Variants in GLYCTK observed in about 807,000 individuals in gnomAD.
GLYCTK encodes glycerate kinase, also known as HBeAg binding protein 4.
GLYCTK carries 22 observed loss-of-function variants against 24.8 expected under a neutral mutation model. That is an observed-to-expected ratio of 0.89 (90% CI 0.63 to 1.27). The LOEUF is 1.27. Among genes scored for constraint, GLYCTK ranks in the 50% most tolerant of loss-of-function variants. GLYCTK has a pLI of 0.00. For synonymous variants in GLYCTK, 320 were observed against 297.2 expected (o/e 1.08, Z -0.79); for missense variants, 684 against 686.7 (o/e 1.00, Z 0.04).
chr3:52,290,922 C>A (rs758497783), intron 2 of GLYCTK, 38 bp from the exon 3 acceptor site: 2 of 1,613,132 alleles, frequency 1.2e-6, no homozygotes, highest in Non-Finnish European at 8.5e-7. Context: ...GGAGAGGAGT[C>A]CACCCCATCT....
At chr3:52,288,001 C>G (rs1432418488) in intron 1 of GLYCTK, 125 bp downstream of exon 1, 1 of 340,678 alleles carries the variant, frequency 2.9e-6, no homozygotes, top group Admixed American at 3.2e-5. Context: ...CAGCCATTTC[C>G]CTCGCTAAGG....
rs1237912465 is a variant in GLYCTK at position 52,295,062 on chromosome 3, C to T, written c.*1936C>T. 4.4e-6 allele frequency: 2 copies of T among 454,016 alleles called. No individual in the cohort carries two copies. Among genetic ancestry groups the T allele is most frequent in the East Asian group, 7.0e-5 (1 of 14,384 alleles). 28.1% of individuals were successfully genotyped at this position (454,016 alleles called of 1,614,324 possible). Reference sequence around the variant, plus strand: ...ACTTCTGTTTGTAGGGGCTGGGAGGCCAGGGCCCGGATTGGACCCCATAGG... The same window carrying T: ...ACTTCTGTTTGTAGGGGCTGGGAGGTCAGGGCCCGGATTGGACCCCATAGG... On this transcript the variant is annotated 3_prime_UTR_variant, in exon 5 of 5. Coordinates refer to ENST00000436784, the MANE Select transcript of GLYCTK (RefSeq NM_145262.4).
In GLYCTK at chr3:52,291,274, G is replaced by C. The variant is rs2153220939; in HGVS notation, c.529+163G>C. The C allele has an allele frequency of 2.4e-6, 2 of 816,348 alleles. 1 individual carries two copies. The highest frequency in any genetic ancestry group is 7.0e-4 in the Middle Eastern group (2 of 2,868). The allele number at this position is 816,348 out of a possible 1,614,324, so 50.6% of individuals were successfully genotyped here. A position where few individuals can be genotyped will look rare whatever the true frequency, so the allele number is the denominator to read the frequency against. Reference sequence around the variant, plus strand: ...GTGACTCCTGGGTTGCCTTGGGCTAGTCGTCTGGCCTCCCCTGAGCTGTGG... The same window carrying C: ...GTGACTCCTGGGTTGCCTTGGGCTACTCGTCTGGCCTCCCCTGAGCTGTGG... On this transcript the variant is annotated intron_variant, in intron 3 of 4. Transcript: ENST00000436784.
At position 52,294,786 on chromosome 3, in the gene GLYCTK, G is replaced by C. The variant is rs774376152; in HGVS notation, c.*1660G>C. ...GGTTCCAAGTTCCAGGCAAAAGCAG[G>C]ATAGGAGAGCTGGGGCAGGGGCTGC... On this transcript the variant is annotated 3_prime_UTR_variant, in exon 5 of 5. Transcript: ENST00000436784. The C allele has an allele frequency of 2.2e-6, 1 of 453,806 alleles. No homozygotes were observed. The highest frequency in any genetic ancestry group is 1.6e-5 in the South Asian group (1 of 64,464). The allele number at this position is 453,806 out of a possible 1,614,324, so 28.1% of individuals were successfully genotyped here.
rs1700570988 is a variant in GLYCTK at position 52,294,090 on chromosome 3, G to C, written c.*964G>C. ...CACCTCTTCCTGTGACCACTGGCGG[G>C]AGAAGAGGCAAGTGGGAATAGAGGA... On this transcript the variant is annotated 3_prime_UTR_variant, in exon 5 of 5. Transcript: ENST00000436784. The C allele has an allele frequency of 1.9e-6, 1 of 517,186 alleles. No individual in the cohort carries two copies. Among genetic ancestry groups the C allele is most frequent in the African/African-American group, 1.9e-5 (1 of 51,606 alleles). 32.0% of individuals were successfully genotyped at this position (517,186 alleles called of 1,614,324 possible).
At chr3:52,291,553 C>T (rs1700469997) in intron 3 of GLYCTK, 194 bp from the exon 4 acceptor site, 2 of 606,234 alleles carry the variant, frequency 3.3e-6, no homozygotes, top group African/African-American at 1.9e-5. Context: ...CTACTGGGAC[C>T]TGGGGTACCC....
At chr3:52,288,033 C>T (rs1175635385) in intron 1 of GLYCTK, 157 bp downstream of exon 1, 2 of 291,898 alleles carry the variant, frequency 6.9e-6, no homozygotes, top group African/African-American at 2.3e-5. Flanking sequence ...GATGACGTCA[C>T]TTCCGGCCCC....
In GLYCTK at chr3:52,290,686, G is replaced by A; in HGVS notation, c.344G>A (p.Gly115Glu). The change falls in exon 2 of 5, where the codon GGG (glycine) becomes GAG (glutamate). Residue 115 changes from glycine to glutamate, a missense_variant. Gly to Glu is a moderately conservative substitution (Grantham distance 98, BLOSUM62 -2). Transcript: ENST00000436784. ...LVQGVISVPK[G>E]IRAAMERAGK... ...CAGGGCGTGATCAGCGTTCCCAAGG[G>A]GATCCGTGCTGCCATGGAGCGTGCC... 1.2e-6 allele frequency: 2 copies of A among 1,613,366 alleles called. No homozygotes were observed.
Position 52,292,521 on chromosome 3 carries a change from G to C in GLYCTK, c.967G>C (p.Ala323Pro). ...GGCGCTAGCTGAGGCCCAGCGGCAG[G>C]CCGAGGCACTGGGCTACCAGGCTGT... ...VLALAEAQRQ[A>P]EALGYQAVVL... is the part of the protein sequence containing the mutation. The change falls in exon 5 of 5, where the codon GCC becomes CCC. Residue 323 changes from alanine to proline, a missense_variant. Coordinates refer to ENST00000436784, the MANE Select transcript of GLYCTK (RefSeq NM_145262.4). The C allele has an allele frequency of 6.2e-7, 1 of 1,613,802 alleles. No individual in the cohort carries two copies. The highest frequency in any genetic ancestry group is 8.5e-7 in the Non-Finnish European group (1 of 1,180,002).
rs577230824 is a variant in GLYCTK, at chr3:52,287,842, C to A, written c.-74C>A. 5.7e-4 allele frequency: 258 copies of A among 453,034 alleles called. No individual in the cohort carries two copies. The highest frequency in any genetic ancestry group is 4.4e-3 in the African/African-American group (222 of 50,032). The allele number at this position is 453,034 out of a possible 1,614,324, so 28.1% of individuals were successfully genotyped here. On this transcript the variant is annotated 5_prime_UTR_variant, in exon 1 of 5. Transcript: ENST00000436784. ...GCCCACCCCCTAGTACTTCCGTTCT[C>A]CAGCGCTGGGCACCGCGGCCGGAGC... is the stretch of plus-strand genomic sequence containing the variant.
Position 52,293,005 on chromosome 3 carries a change from T to C in GLYCTK, c.1451T>C (p.Leu484Pro), listed in dbSNP as rs1348722519. The change falls in exon 5 of 5, where the codon CTA (leucine) becomes CCA (proline). Residue 484 changes from leucine (L) to proline (P), a missense_variant. Physicochemically the swap from Leu to Pro is moderately conservative, Grantham distance 98. Transcript: ENST00000436784. ...AAEGLDIATF[L>P]AHNDSHTFFC... ...GAGGGCCTGGACATAGCCACCTTCC[T>C]AGCCCACAATGACTCACATACCTTC... 1 of 1,614,084 alleles carries C rather than the reference T, an allele frequency of 6.2e-7. No homozygotes were observed. The highest frequency in any genetic ancestry group is 8.5e-7 in the Non-Finnish European group (1 of 1,180,044).
chr3:52,290,783 G>A (rs1559464393), intron 2 of GLYCTK, 64 bp downstream of exon 2: 1 of 1,592,188 alleles, frequency 6.3e-7, no homozygotes, highest in South Asian at 1.1e-5. Flanking sequence ...CCCAGACACA[G>A]GCTGAATCGG....
chr3:52,291,892 G>A lies in GLYCTK; in HGVS notation c.675G>A (p.Gly225=). The change falls in exon 4 of 5, where the codon GGG becomes GGA. Residue 225 remains glycine (G), a synonymous_variant. Coordinates refer to ENST00000436784, the MANE Select transcript of GLYCTK (RefSeq NM_145262.4). ...AGGCCCTGTCCCAGCTCAAGGGTGG[G>A]GGGCTGGCTCAGGCCGCCTACCCTG... is the stretch of plus-strand genomic sequence containing the variant. ...IRKALSQLKG[G]GLAQAAYPAQ... The A allele has an allele frequency of 6.2e-7, 1 of 1,613,536 alleles. No individual in the cohort carries two copies. The highest frequency in any genetic ancestry group is 8.5e-7 in the Non-Finnish European group (1 of 1,179,906).
intron 2 of GLYCTK, 112 bp downstream of exon 2, chr3:52,290,831 C>T: frequency 6.3e-7 from 1 of 1,581,484 alleles, no homozygotes; most frequent in Non-Finnish European, 8.7e-7. Flanking sequence ...TCTCCTGGAT[C>T]TGGCCTGGCC....
At chr3:52,290,084 C>T in intron 1 of GLYCTK, 1 of 561,754 alleles carries the variant, frequency 1.8e-6, no homozygotes, top group Non-Finnish European at 3.2e-6. Context: ...GGCATGTGGT[C>T]TGCAGAAGAG....
chr3:52,292,358 G>T lies in GLYCTK; in HGVS notation c.804G>T (p.Leu268=), dbSNP rs1700498047. 2 of 1,613,920 alleles carry T rather than the reference G, an allele frequency of 1.2e-6. No individual in the cohort carries two copies. Residue 268 remains leucine (L), a synonymous_variant, in exon 5 of 5, where the codon CTG becomes CTT. Coordinates refer to ENST00000436784, the MANE Select transcript of GLYCTK (RefSeq NM_145262.4). ...GTTCCCACAATGTGCAAGATTGCCT[G>T]CATATCCTCAATCGCTACGGCCTCC... ...VASSHNVQDC[L]HILNRYGLRA...
At chr3:52,289,336 G>C (rs1256033467) in intron 1 of GLYCTK, 3 of 152,232 alleles carry the variant, frequency 2.0e-5, no homozygotes, top group Non-Finnish European at 4.4e-5. Flanking sequence ...TCGCCCCAAG[G>C]CTTCTTTAGC....
Position 52,293,893 on chromosome 3 carries a change from T to G in GLYCTK, c.*767T>G. On this transcript the variant is annotated 3_prime_UTR_variant, in exon 5 of 5. Transcript: ENST00000436784. ...CTGCACTTCTGGTTGAGCTGAAGTT[T>G]GTCCCACCCCCCAGTGCTGTTTCCT... 2.2e-6 allele frequency: 1 copy of G among 454,104 alleles called. No individual in the cohort carries two copies. The highest frequency in any genetic ancestry group is 4.4e-6 in the Non-Finnish European group (1 of 226,772). 28.1% of individuals were successfully genotyped at this position (454,104 alleles called of 1,614,324 possible).
intron 2 of GLYCTK, 116 bp from the exon 3 acceptor site, chr3:52,290,844 A>G (rs995855876): frequency 5.1e-6 from 8 of 1,584,156 alleles, no homozygotes; most frequent in Non-Finnish European, 6.9e-6. Context: ...GCCTGGCCCC[A>G]GGATGCATGT....
Sources: gnomAD v4.1 joint callset for allele counts on GRCh38, gnomAD v4.1.1 for gene constraint, MANE v1.5 for transcripts, NCBI Gene and HGNC (gene_info 2026-07-23, HGNC 2026-07-21) for gene names.